The following PLEKHH2 variants were observed in gnomAD, a reference collection of about 807,000 sequenced individuals.
The protein encoded by PLEKHH2 is pleckstrin homology, MyTH4 and FERM domain containing H2.
A neutral mutation model predicts 187.9 loss-of-function variants in PLEKHH2; 129 were observed. The observed-to-expected ratio is 0.69, with a 90% CI of 0.59 to 0.79. The LOEUF is 0.79. PLEKHH2 is among the 30% of genes least tolerant of loss of function. The pLI is 0.00. For synonymous variants in PLEKHH2, 686 were observed against 605.6 expected (o/e 1.13, Z -1.95); for missense variants, 2,076 against 1,751.2 (o/e 1.19, Z -3.31).
intron 21 of PLEKHH2, among the ~76,000 whole-genome samples, chr2:43,742,145 C>T (rs1164972701): frequency 1.3e-5 from 2 of 151,862 alleles, no homozygotes; most frequent in African/African-American, 4.8e-5. Flanking sequence ...GGACTACAAG[C>T]GTGCGCCACC....
intron 7 of PLEKHH2, among the ~76,000 whole-genome samples, chr2:43,697,817 G>GA (rs1018473672): frequency 6.6e-6 from 1 of 151,786 alleles, no homozygotes; most frequent in African/African-American, 2.4e-5. Flanking sequence ...AACTTCTAAA[G>GA]AAAAAAACCC....
At chr2:43,723,587 T>A (rs560367340) in intron 16 of PLEKHH2, among the ~76,000 whole-genome samples, 1 of 152,198 alleles carries the variant, frequency 6.6e-6, no homozygotes, top group African/African-American at 2.4e-5. Flanking sequence ...GGAGGATATC[T>A]TTCATATAGG....
intron 3 of PLEKHH2, among the ~76,000 whole-genome samples, chr2:43,687,960 CT>C (rs1489982639): frequency 1.3e-5 from 2 of 152,030 alleles, no homozygotes; most frequent in African/African-American, 2.4e-5. Flanking sequence ...CTATACTCAG[CT>C]AATATTTTAG....
chr2:43,644,100 G>A (rs1666074971), intron 1 of PLEKHH2, among the ~76,000 whole-genome samples: 1 of 152,084 alleles, frequency 6.6e-6, no homozygotes, highest in Non-Finnish European at 1.5e-5. Context: ...TGGCTTGAAA[G>A]ACTTAACCTG....
chr2:43,725,014 A>G (rs778842416), intron 16 of PLEKHH2, among the ~76,000 whole-genome samples: 2 of 152,194 alleles, frequency 1.3e-5, no homozygotes, highest in Admixed American at 6.5e-5. Flanking sequence ...ACACCTCTCC[A>G]TCACAGAGAA....
chr2:43,682,493 G>T (rs1337882163), intron 3 of PLEKHH2, among the ~76,000 whole-genome samples: 1 of 152,092 alleles, frequency 6.6e-6, no homozygotes, highest in Non-Finnish European at 1.5e-5. Context: ...TTTTTAGAGA[G>T]ATGGGGTTTC....
intron 18 of PLEKHH2, among the ~76,000 whole-genome samples, chr2:43,730,812 T>A (rs1052210714): frequency 6.6e-6 from 1 of 152,242 alleles, no homozygotes; most frequent in Non-Finnish European, 1.5e-5. Flanking sequence ...AGGAATTTAA[T>A]AAATGTTGAT....
chr2:43,728,084 T>C (rs897340242), intron 17 of PLEKHH2, among the ~76,000 whole-genome samples: 6 of 152,184 alleles, frequency 3.9e-5, no homozygotes, highest in Non-Finnish European at 8.8e-5. Context: ...TAGAAATTAG[T>C]GTAAATGCTT....
chr2:43,683,748 A>ACCAGGAGG (rs766726207), intron 3 of PLEKHH2, among the ~76,000 whole-genome samples: 4 of 151,300 alleles, frequency 2.6e-5, no homozygotes, highest in African/African-American at 4.9e-5. Context: ...GTTGACCTCC[A>ACCAGGAGG]CCAGGAGGTG....
chr2:43,654,779 C>T (rs1335386179), intron 2 of PLEKHH2, among the ~76,000 whole-genome samples: 1 of 150,408 alleles, frequency 6.6e-6, no homozygotes, highest in Non-Finnish European at 1.5e-5. Flanking sequence ...GTAATCCCAG[C>T]ACTTTGGGAG....
At chr2:43,738,089 C>T (rs1476111888) in intron 19 of PLEKHH2, among the ~76,000 whole-genome samples, 1 of 152,174 alleles carries the variant, frequency 6.6e-6, no homozygotes, top group East Asian at 1.9e-4. Flanking sequence ...ATTGTTATGT[C>T]TTCTAGATGA....
chr2:43,764,388 A>C, intron 29 of PLEKHH2, 23 bp downstream of exon 29: 1 of 1,608,756 alleles, frequency 6.2e-7, no homozygotes. Flanking sequence ...CTTTCTGCCA[A>C]CTTTTTTGTC....
intron 6 of PLEKHH2, among the ~76,000 whole-genome samples, chr2:43,695,531 T>G (rs1442294168): frequency 6.6e-6 from 1 of 152,238 alleles, no homozygotes; most frequent in African/African-American, 2.4e-5. Flanking sequence ...GTACACTTTT[T>G]AGAACCAAAC....
chr2:43,713,457 A>T (rs1293725994), intron 15 of PLEKHH2, among the ~76,000 whole-genome samples: 2 of 152,290 alleles, frequency 1.3e-5, no homozygotes, highest in East Asian at 3.9e-4. Context: ...GTACAACCAT[A>T]TAATGCTTTA....
chr2:43,645,986 C>G (rs1666165868), intron 2 of PLEKHH2, among the ~76,000 whole-genome samples: 1 of 152,116 alleles, frequency 6.6e-6, no homozygotes, highest in African/African-American at 2.4e-5. Flanking sequence ...ATTATAATAA[C>G]ATTCAGCAAA....
At chr2:43,676,458 T>C in intron 2 of PLEKHH2, 2 of 628,240 alleles carry the variant, frequency 3.2e-6, no homozygotes, top group Admixed American at 3.3e-5. Context: ...CTCGGTGGCG[T>C]AGAGAAGGGG....
At position 43,690,346 on chromosome 2, in the gene PLEKHH2, CT is replaced by C. The variant is rs68179082; in HGVS notation, c.187-2157del. On this transcript the variant is annotated intron_variant, in intron 3 of 29. Transcript: ENST00000282406. ...AGAATACATTTTTCTTCTTCTTCAACTTTTTTTTTTTGTGCTTTTATTTTCC... is the reference window on the plus strand; with the variant it reads ...AGAATACATTTTTCTTCTTCTTCAACTTTTTTTTTTGTGCTTTTATTTTCC... 3.6e-3 allele frequency among the ~76,000 whole-genome samples: 529 copies of C among 146,818 alleles called. 4 individuals are homozygous for C. Among genetic ancestry groups the C allele is most frequent in the African/African-American group, 0.01 (404 of 40,312 alleles).
At chr2:43,736,870 A>AGAGG (rs1671321494) in intron 19 of PLEKHH2, among the ~76,000 whole-genome samples, 1 of 152,088 alleles carries the variant, frequency 6.6e-6, no homozygotes, top group South Asian at 2.1e-4. Context: ...AGAGCTAAAG[A>AGAGG]GAGGGAGGGA....
chr2:43,667,128 A>C (rs1667256897), intron 2 of PLEKHH2, among the ~76,000 whole-genome samples: 1 of 152,128 alleles, frequency 6.6e-6, no homozygotes, highest in African/African-American at 2.4e-5. Flanking sequence ...GTGGAAAAGG[A>C]ACATGGTTTT....
Sources: gnomAD v4.1 joint callset for allele counts (sites outside exome capture counted in the v4.1 genomes callset) on GRCh38, gnomAD v4.1.1 for gene constraint, MANE v1.5 for transcripts, NCBI Gene and HGNC (gene_info 2026-07-23, HGNC 2026-07-21) for gene names.